TRDMT1: variants seen among roughly 807,000 people sequenced by gnomAD.
The protein encoded by TRDMT1 is tRNA (cytosine(38)-C(5))-methyltransferase.
TRDMT1 carries 49 observed loss-of-function variants against 51.2 expected under a neutral mutation model. That is an observed-to-expected ratio of 0.96 (90% CI 0.76 to 1.21). The LOEUF is 1.21. TRDMT1 is among the 50% of genes most tolerant of loss of function. The probability of loss-of-function intolerance (pLI) is 0.00; values close to 1 mark genes in which losing one functional copy is unlikely to be tolerated. For missense variants in TRDMT1, 534 were observed against 462.3 expected (o/e 1.16, Z -1.42); for synonymous variants, 187 against 164.6 (o/e 1.14, Z -1.04).
intron 8 of TRDMT1, 120 bp downstream of exon 8, chr10:17,157,321 C>T (rs746786400): frequency 5.0e-6 from 5 of 995,746 alleles, no homozygotes; most frequent in Middle Eastern, 2.2e-4. Context: ...AGGGAAAATA[C>T]CTCATTCTAG....
Position 17,145,112 on chromosome 10 carries a change from T to A in TRDMT1, c.*3928A>T. ...TAATACAAAAATTAGCTAGGTGTGG[T>A]GGCATGCGCCTGTAATCCCAGCTAC... On this transcript the variant is annotated 3_prime_UTR_variant, in exon 11 of 11. Transcript: ENST00000377799. The A allele has an allele frequency of 1.7e-6, 1 of 577,258 alleles. No individual in the cohort carries two copies. Among genetic ancestry groups the A allele is most frequent in the Non-Finnish European group, 2.2e-6 (1 of 457,166 alleles). The allele number at this position is 577,258 out of a possible 1,614,324, so 35.8% of individuals were successfully genotyped here.
At chr10:17,186,290 T>C (rs1843913753) in intron 1 of TRDMT1, among the ~76,000 whole-genome samples, 2 of 152,084 alleles carry the variant, frequency 1.3e-5, no homozygotes, top group Admixed American at 6.6e-5. Flanking sequence ...TTACCTTACA[T>C]GGGAATCAGG....
In TRDMT1 at chr10:17,201,605, G is replaced by A. The variant is rs574779490; in HGVS notation, c.30C>T (p.Tyr10=). MEPLRVLEL[Y]SGVGGMHHAL... is the part of the protein sequence containing the mutation. ...CGTGGTGCATGCCGCCCACGCCGCT[G>A]TATAGCTCCAGCACCCGCAGGGGCT... The change falls in exon 1 of 11, where the codon TAC becomes TAT. Residue 10 remains tyrosine, a synonymous_variant. Coordinates refer to ENST00000377799, the MANE Select transcript of TRDMT1 (RefSeq NM_004412.7). 4 of 1,548,274 alleles carry A rather than the reference G, an allele frequency of 2.6e-6. No individual in the cohort carries two copies. The highest frequency in any genetic ancestry group is 2.5e-5 in the East Asian group (1 of 40,588).
chr10:17,182,523 T>C (rs1229737129), intron 1 of TRDMT1, among the ~76,000 whole-genome samples: 4 of 152,222 alleles, frequency 2.6e-5, no homozygotes, highest in African/African-American at 4.8e-5. Flanking sequence ...GCAAAAGTCC[T>C]GTAAATAAGT....
Position 17,144,588 on chromosome 10 carries a change from TG to T in TRDMT1, c.*4451del. On this transcript the variant is annotated 3_prime_UTR_variant, in exon 11 of 11. Transcript: ENST00000377799. ...ATGGTAAATATAAAGCCAATGTATA[TG>T]AGAACTTGGGGAATACAAAGCCAAA... 3 of 985,582 alleles carry T rather than the reference TG, an allele frequency of 3.0e-6. No individual in the cohort carries two copies. The highest frequency in any genetic ancestry group is 3.6e-6 in the Non-Finnish European group (3 of 829,932). The allele number at this position is 985,582 out of a possible 1,614,324, so 61.1% of individuals were successfully genotyped here.
At chr10:17,175,162 G>C (rs762685620) in intron 1 of TRDMT1, among the ~76,000 whole-genome samples, 5 of 152,126 alleles carry the variant, frequency 3.3e-5, no homozygotes, top group Non-Finnish European at 7.4e-5. Context: ...ATTCACATTT[G>C]ACAAAATTCA....
chr10:17,155,669 AT>A (rs1839396618), intron 8 of TRDMT1, among the ~76,000 whole-genome samples: 1 of 152,210 alleles, frequency 6.6e-6, no homozygotes, highest in South Asian at 2.1e-4. Flanking sequence ...TCTCTCTAAG[AT>A]TATTGCCAAG....
chr10:17,154,532 A>G, intron 9 of TRDMT1, 145 bp downstream of exon 9: 1 of 411,794 alleles, frequency 2.4e-6, no homozygotes, highest in South Asian at 1.1e-4. Context: ...GTAATAAAAT[A>G]TTATATATAT....
At chr10:17,198,560 A>C (rs537942557) in intron 1 of TRDMT1, among the ~76,000 whole-genome samples, 1 of 152,332 alleles carries the variant, frequency 6.6e-6, no homozygotes, top group Admixed American at 6.5e-5. Context: ...AAAAGGACAA[A>C]TGTATTATTC....
chr10:17,168,804 T>C (rs748009056), intron 3 of TRDMT1, 37 bp downstream of exon 3: 2 of 1,446,772 alleles, frequency 1.4e-6, no homozygotes, highest in South Asian at 1.2e-5. Context: ...AGCATGAAAA[T>C]GGACCAATAC....
At chr10:17,186,873 A>C (rs1844006089) in intron 1 of TRDMT1, among the ~76,000 whole-genome samples, 1 of 152,210 alleles carries the variant, frequency 6.6e-6, no homozygotes, top group African/African-American at 2.4e-5. Context: ...TTCTACATTT[A>C]ATGGCAAGCG....
intron 2 of TRDMT1, 30 bp downstream of exon 2, chr10:17,174,521 A>G (rs759862734): frequency 6.8e-7 from 1 of 1,473,252 alleles, no homozygotes. Context: ...CCCTTGCTAC[A>G]TACTTATTAA....
Position 17,148,353 on chromosome 10 carries a change from A to T in TRDMT1, c.*687T>A. 2.0e-6 allele frequency: 2 copies of T among 985,468 alleles called. No individual in the cohort carries two copies. The highest frequency in any genetic ancestry group is 2.4e-6 in the Non-Finnish European group (2 of 829,942). The allele number at this position is 985,468 out of a possible 1,614,324, so 61.0% of individuals were successfully genotyped here. ...CAAAAACAAGCTTTGATAATAGTCAACTAAAGGAAAGTACATACAAAATGA... is the reference window on the plus strand; with the variant it reads ...CAAAAACAAGCTTTGATAATAGTCATCTAAAGGAAAGTACATACAAAATGA... On this transcript the variant is annotated 3_prime_UTR_variant, in exon 11 of 11. Coordinates refer to ENST00000377799, the MANE Select transcript of TRDMT1 (RefSeq NM_004412.7).
In TRDMT1 at chr10:17,137,782, C is replaced by T. The variant is rs950437779; in HGVS notation, c.*11258G>A. 6.7e-6 allele frequency among the ~76,000 whole-genome samples: 1 copy of T among 149,394 alleles called. No individual in the cohort carries two copies. Among genetic ancestry groups the T allele is most frequent in the Non-Finnish European group, 1.5e-5 (1 of 67,640 alleles). On this transcript the variant is annotated 3_prime_UTR_variant, in exon 11 of 11. Coordinates refer to ENST00000377799, the MANE Select transcript of TRDMT1 (RefSeq NM_004412.7). Reference sequence around the variant, plus strand: ...CCAGGAGGTGGAGGTTGCAGCAAGCCGAGAGCCACTGCACTCCAGCCTGGG... The same window carrying T: ...CCAGGAGGTGGAGGTTGCAGCAAGCTGAGAGCCACTGCACTCCAGCCTGGG...
Position 17,142,908 on chromosome 10 carries a change from G to A in TRDMT1, c.*6132C>T. ...TATTTTATAATTATACTTACCCAGA[G>A]TTTATAATTACACTTTTCAGGGAGG... On this transcript the variant is annotated 3_prime_UTR_variant, in exon 11 of 11. Coordinates refer to ENST00000377799, the MANE Select transcript of TRDMT1 (RefSeq NM_004412.7). The A allele has an allele frequency of 1.2e-6, 1 of 819,718 alleles. No homozygotes were observed. The highest frequency in any genetic ancestry group is 1.5e-6 in the Non-Finnish European group (1 of 678,668). 50.8% of individuals were successfully genotyped at this position (819,718 alleles called of 1,614,324 possible). A position where few individuals can be genotyped will look rare whatever the true frequency, so the allele number is the denominator to read the frequency against.
chr10:17,153,998 G>C (rs1332063710), intron 9 of TRDMT1, among the ~76,000 whole-genome samples: 1 of 152,026 alleles, frequency 6.6e-6, no homozygotes, highest in Admixed American at 6.6e-5. Flanking sequence ...TAAAACAGGA[G>C]AATCATTAAA....
Position 17,147,353 on chromosome 10 carries a change from C to G in TRDMT1, c.*1687G>C, listed in dbSNP as rs903152168. On this transcript the variant is annotated 3_prime_UTR_variant, in exon 11 of 11. Coordinates refer to ENST00000377799, the MANE Select transcript of TRDMT1 (RefSeq NM_004412.7). ...CTACATTCATATTTATCTATGAGTT[C>G]TGAAAAATTGGTAATAGAGTATGAT... is the stretch of plus-strand genomic sequence containing the variant. 2 of 984,930 alleles carry G rather than the reference C, an allele frequency of 2.0e-6. No homozygotes were observed. The highest frequency in any genetic ancestry group is 2.4e-6 in the Non-Finnish European group (2 of 829,704). The allele number at this position is 984,930 out of a possible 1,614,324, so 61.0% of individuals were successfully genotyped here. A position where few individuals can be genotyped will look rare whatever the true frequency, so the allele number is the denominator to read the frequency against.
intron 1 of TRDMT1, among the ~76,000 whole-genome samples, chr10:17,195,098 TC>T (rs1181837097): frequency 1.3e-5 from 2 of 152,146 alleles, no homozygotes; most frequent in Non-Finnish European, 2.9e-5. Context: ...CCATTCAACC[TC>T]GCAAGCTCAT....
At chr10:17,169,610 T>G (rs1841698399) in intron 2 of TRDMT1, 2 of 986,320 alleles carry the variant, frequency 2.0e-6, no homozygotes, top group South Asian at 2.7e-5. Context: ...GCACTCTCAG[T>G]GCACATCTTT....
Sources: gnomAD v4.1 joint callset for allele counts (sites outside exome capture counted in the v4.1 genomes callset) on GRCh38, gnomAD v4.1.1 for gene constraint, MANE v1.5 for transcripts, NCBI Gene and HGNC (gene_info 2026-07-23, HGNC 2026-07-21) for gene names.